Variants in SGCD observed in about 807,000 individuals in gnomAD.
SGCD encodes delta-sarcoglycan.
In SGCD, 18 loss-of-function variants were observed where a neutral mutation model predicts 36.6. The observed-to-expected ratio is 0.49, with a 90% CI of 0.34 to 0.73. The LOEUF is 0.73. Among genes scored for constraint, SGCD ranks in the 30% least tolerant of loss-of-function variants. The pLI, the probability that SGCD is intolerant of heterozygous loss-of-function variation, is 0.01. For missense variants in SGCD, 387 were observed against 346.7 expected (o/e 1.12, Z -0.92); for synonymous variants, 133 against 130.6 (o/e 1.02, Z -0.12).
intron 3 of SGCD, among the ~76,000 whole-genome samples, chr5:156,487,788 C>CAAAAA (rs56006984): frequency 2.9e-4 from 12 of 41,378 alleles, no homozygotes; most frequent in Admixed American, 4.2e-4. Flanking sequence ...ACTCTGTCAC[C>CAAAAA]AAAAAAAAAA....
intron 3 of SGCD, among the ~76,000 whole-genome samples, chr5:156,247,843 T>A (rs1765477194): frequency 6.6e-6 from 1 of 152,238 alleles, no homozygotes; most frequent in Non-Finnish European, 1.5e-5. Flanking sequence ...GTACCTACAA[T>A]GCCTTGTGTT....
intron 3 of SGCD, among the ~76,000 whole-genome samples, chr5:156,478,732 C>T (rs113419837): frequency 0.027 from 4,134 of 152,158 alleles, 85 homozygotes; most frequent in Non-Finnish European, 0.041. Flanking sequence ...AGGTGTGAGC[C>T]GCTACGCCTA....
intron 3 of SGCD, among the ~76,000 whole-genome samples, chr5:156,498,123 T>C (rs1756278566): frequency 6.6e-6 from 1 of 152,056 alleles, no homozygotes; most frequent in African/African-American, 2.4e-5. Flanking sequence ...TGTTTTACCC[T>C]CTTTAACATA....
At chr5:156,397,618 A>G (rs1771930335) in intron 3 of SGCD, among the ~76,000 whole-genome samples, 1 of 152,208 alleles carries the variant, frequency 6.6e-6, no homozygotes, top group African/African-American at 2.4e-5. Flanking sequence ...CATGCCAGAC[A>G]CAGTGCTAAC....
rs755861001 is a variant in SGCD at position 156,647,543 on chromosome 5, T to G, written c.575+7T>G. On this transcript the variant is annotated splice_region_variant and intron_variant, in intron 7 of 8. Coordinates refer to ENST00000337851, the MANE Select transcript of SGCD (RefSeq NM_000337.6). The stretch of plus-strand genomic sequence containing the variant: ...ACCCCTTCAAAGAACTAAGGTAAAC[T>G]TCTGACTTTGGTTTGCATTGATTAA... 2.6e-6 allele frequency: 4 copies of G among 1,560,724 alleles called. No homozygotes were observed. In the South Asian group the frequency reaches 4.7e-5, roughly 18 times the overall value.
chr5:156,634,412 A>G lies in SGCD; in HGVS notation c.503-13052A>G, dbSNP rs1038572226. On this transcript the variant is annotated intron_variant, in intron 6 of 8. Coordinates refer to ENST00000337851, the MANE Select transcript of SGCD (RefSeq NM_000337.6). ...ACATCCTTGCACATCCTGCATATGT[A>G]TCCTAGAAATTAAAATAAAACTTGA... Among the ~76,000 whole-genome samples the G allele has an allele frequency of 2.2e-4, 33 of 152,172 alleles. 1 individual carries two copies. The highest frequency in any genetic ancestry group is 4.4e-5 in the Non-Finnish European group (3 of 68,042).
intron 7 of SGCD, among the ~76,000 whole-genome samples, chr5:156,736,148 C>T (rs143883899): frequency 6.6e-6 from 1 of 152,166 alleles, no homozygotes; most frequent in Admixed American, 6.5e-5. Context: ...CCAGTGTTGA[C>T]TGTCTGGATG....
At chr5:156,650,318 GA>G (rs1763412462) in intron 7 of SGCD, among the ~76,000 whole-genome samples, 1 of 152,120 alleles carries the variant, frequency 6.6e-6, no homozygotes, top group Non-Finnish European at 1.5e-5. Context: ...ACAGAGGCTA[GA>G]AAGCATGAAT....
chr5:156,068,431 G>T (rs1031011210), intron 1 of SGCD, among the ~76,000 whole-genome samples: 7 of 152,018 alleles, frequency 4.6e-5, no homozygotes, highest in Non-Finnish European at 8.8e-5. Flanking sequence ...TTTCATCCAT[G>T]TCCCTACAAA....
chr5:156,486,706 G>C (rs1755679599), intron 3 of SGCD, among the ~76,000 whole-genome samples: 1 of 152,198 alleles, frequency 6.6e-6, no homozygotes, highest in South Asian at 2.1e-4. Context: ...ACCTGCACTT[G>C]CCTTCCAGGG....
intron 7 of SGCD, among the ~76,000 whole-genome samples, chr5:156,685,822 T>G (rs975317759): frequency 2.0e-5 from 3 of 152,194 alleles, no homozygotes; most frequent in Admixed American, 2.0e-4. Flanking sequence ...ATACACATTC[T>G]TTCTTCTAAG....
rs558831309 is a variant in SGCD at position 156,055,755 on chromosome 5, G to T, written c.-281-62123G>T. Among the ~76,000 whole-genome samples, 8 of 146,156 alleles carry T rather than the reference G, an allele frequency of 5.5e-5. 1 individual carries two copies. The highest frequency in any genetic ancestry group is 1.1e-4 in the Non-Finnish European group (7 of 64,820). On this transcript the variant is annotated intron_variant, in intron 1 of 9. Coordinates refer to the SGCD transcript ENST00000517913. ...TAAATATTTGTAGGACTTAAATTAG[G>T]CATGCATCTCTTCTAGCCTCAGAGC...
chr5:156,600,065 A>G (rs763939912), intron 6 of SGCD, among the ~76,000 whole-genome samples: 2 of 152,174 alleles, frequency 1.3e-5, no homozygotes, highest in Non-Finnish European at 2.9e-5. Context: ...AGGCAAACAT[A>G]CAATTTGATT....
At chr5:156,527,091 A>C (rs1757675709) in intron 4 of SGCD, among the ~76,000 whole-genome samples, 1 of 152,216 alleles carries the variant, frequency 6.6e-6, no homozygotes. Flanking sequence ...ATCATGGTAC[A>C]GAAGGGTCCA....
intron 3 of SGCD, among the ~76,000 whole-genome samples, chr5:156,483,339 A>G (rs183355838): frequency 6.6e-6 from 1 of 152,188 alleles, no homozygotes; most frequent in African/African-American, 2.4e-5. Flanking sequence ...CAGGTGTCAG[A>G]CTGAGACATT....
intron 3 of SGCD, among the ~76,000 whole-genome samples, chr5:156,358,844 C>T (rs1361812156): frequency 6.6e-6 from 1 of 151,858 alleles, no homozygotes; most frequent in Admixed American, 6.6e-5. Flanking sequence ...TATGGATCTG[C>T]AGAAAATCTG....
rs763067309 is a variant in SGCD, at chr5:155,975,609, C to CTT, written c.-282+105221_-282+105222dup. Among the ~76,000 whole-genome samples, 53 of 28,022 alleles carry CTT rather than the reference C, an allele frequency of 1.9e-3. 23 individuals are homozygous for CTT. The highest frequency in any genetic ancestry group is 0.01 in the East Asian group (8 of 768). 18.4% of individuals were successfully genotyped at this position (28,022 alleles called of 152,430 possible). A position where few individuals can be genotyped will look rare whatever the true frequency, so the allele number is the denominator to read the frequency against. On this transcript the variant is annotated intron_variant, in intron 1 of 9. Coordinates refer to the SGCD transcript ENST00000517913. Reference sequence around the variant, plus strand: ...TGTGTTATTTATTTTTCTTTCTTTCCTTTTTTTTTTTTTTTTTTTTTTTTT... The same window carrying CTT: ...TGTGTTATTTATTTTTCTTTCTTTCCTTTTTTTTTTTTTTTTTTTTTTTTTTT...
At chr5:156,073,408 A>G (rs1318959517) in intron 1 of SGCD, among the ~76,000 whole-genome samples, 2 of 152,082 alleles carry the variant, frequency 1.3e-5, no homozygotes, top group African/African-American at 4.8e-5. Context: ...AATTGGCCAA[A>G]AAAAGTTAGC....
chr5:156,264,460 G>T (rs1765951674), intron 3 of SGCD, among the ~76,000 whole-genome samples: 1 of 152,056 alleles, frequency 6.6e-6, no homozygotes, highest in African/African-American at 2.4e-5. Flanking sequence ...TAAATGTCTT[G>T]TAATAATTAT....
Sources: allele counts gnomAD v4.1 joint callset (sites outside exome capture counted in the v4.1 genomes callset), GRCh38; gene constraint gnomAD v4.1.1; transcripts MANE v1.5; gene names NCBI Gene and HGNC (gene_info 2026-07-23, HGNC 2026-07-21).